The following AGAP1 variants were observed in gnomAD, a reference collection of about 807,000 sequenced individuals.
AGAP1 encodes ArfGAP with GTPase domain, ankyrin repeat and PH domain 1, also known as arf-GAP with GTPase, ANK repeat and PH domain-containing protein 1.
AGAP1 carries 29 observed loss-of-function variants against 105.3 expected under a neutral mutation model. The ratio of observed to expected loss-of-function variants is 0.28; its 90% CI spans 0.21 to 0.38. AGAP1 has a LOEUF of 0.38. Ranked by LOEUF, AGAP1 falls within the 10% of genes least tolerant of loss-of-function variation. The pLI is 1.00. For missense variants in AGAP1, 998 were observed against 1,165.1 expected (o/e 0.86, Z 2.09); for synonymous variants, 509 against 485.9 (o/e 1.05, Z -0.63).
In AGAP1 at chr2:236,109,994, G is replaced by A. The variant is rs1222666899; in HGVS notation, c.2115-10198G>A. 6.6e-6 allele frequency among the ~76,000 whole-genome samples: 1 copy of A among 152,188 alleles called. No homozygotes were observed. The highest frequency in any genetic ancestry group is 2.4e-5 in the African/African-American group (1 of 41,440). On this transcript the variant is annotated intron_variant, in intron 16 of 17. Transcript: ENST00000304032. The surrounding 1 kb of genome is among the most constrained non-coding windows in gnomAD (Gnocchi z 5.4). ...CTCTCAAAGCCCAGAGAGTCTGGTT[G>A]TACAGATGGGAAGATGTTTCCTAAT...
rs1257341429 is a variant in AGAP1 at position 235,787,841 on chromosome 2, G to A, written c.674-9918G>A. ...ATTCTGGGATCAAGAAGATGACCAAGTACATTGTGGGACCAAGAGCAAGAT... is the reference window on the plus strand; with the variant it reads ...ATTCTGGGATCAAGAAGATGACCAAATACATTGTGGGACCAAGAGCAAGAT... On this transcript the variant is annotated intron_variant, in intron 6 of 17. Coordinates refer to ENST00000304032, the MANE Select transcript of AGAP1 (RefSeq NM_001037131.3). This position sits in a 1 kb window ranked among gnomAD's most constrained non-coding sequence, Gnocchi z 4.4. Among the ~76,000 whole-genome samples, 2 of 152,050 alleles carry A rather than the reference G, an allele frequency of 1.3e-5. No individual in the cohort carries two copies. Among genetic ancestry groups the A allele is most frequent in the African/African-American group, 2.4e-5 (1 of 41,408 alleles).
chr2:235,668,490 A>T (rs766505875), intron 1 of AGAP1, among the ~76,000 whole-genome samples: 1 of 152,234 alleles, frequency 6.6e-6, no homozygotes, highest in Non-Finnish European at 1.5e-5. Context: ...AACAGCCTGT[A>T]GCAAGCTGTG....
chr2:235,652,530 C>A (rs574447656), intron 1 of AGAP1, among the ~76,000 whole-genome samples: 1 of 152,308 alleles, frequency 6.6e-6, no homozygotes, highest in Non-Finnish European at 1.5e-5. Flanking sequence ...GGAGACACCA[C>A]ATCATCATTT....
chr2:235,513,704 G>A (rs1942252781), intron 1 of AGAP1, among the ~76,000 whole-genome samples: 1 of 152,022 alleles, frequency 6.6e-6, no homozygotes, highest in African/African-American at 2.4e-5. Flanking sequence ...CAATCCAGGT[G>A]CCATGGCATG....
At chr2:235,504,740 TTTTATGACACTC>T (rs1204144640) in intron 1 of AGAP1, among the ~76,000 whole-genome samples, 2 of 152,220 alleles carry the variant, frequency 1.3e-5, no homozygotes, top group Non-Finnish European at 2.9e-5. Context: ...TCAAGGTTCA[TTTTATGACACTC>T]AGGATGGCCG....
In AGAP1 at chr2:236,127,212, C is replaced by A. The variant is rs945240650; in HGVS notation, c.*3090C>A. 6.6e-6 allele frequency: 1 copy of A among 152,180 alleles called. No individual in the cohort carries two copies. Among genetic ancestry groups the A allele is most frequent in the Non-Finnish European group, 1.5e-5 (1 of 68,054 alleles). The allele number at this position is 152,180 out of a possible 1,614,324, so 9.4% of individuals were successfully genotyped here. ...TGCAGACCTGGCTGCAGCAGAAACA[C>A]CCCGCAGGGACAGTACTCTGTGATT... is the stretch of plus-strand genomic sequence containing the variant. On this transcript the variant is annotated 3_prime_UTR_variant, in exon 18 of 18. Transcript: ENST00000304032. This position sits in a 1 kb window ranked among gnomAD's most constrained non-coding sequence, Gnocchi z 6.6.
chr2:235,580,001 A>T (rs1373535289), intron 1 of AGAP1, among the ~76,000 whole-genome samples: 1 of 145,266 alleles, frequency 6.9e-6, no homozygotes, highest in Non-Finnish European at 1.5e-5. Flanking sequence ...ACCATACAAC[A>T]TGTGGCCTTC....
In AGAP1 at chr2:236,096,912, T is replaced by C. The variant is rs2059205697; in HGVS notation, c.2115-23280T>C. ...GCACTTTTAAACTGAAGTTTCATCCTTGCCGTATCACGTGGCCAATCCATT... is the reference window on the plus strand; with the variant it reads ...GCACTTTTAAACTGAAGTTTCATCCCTGCCGTATCACGTGGCCAATCCATT... On this transcript the variant is annotated intron_variant, in intron 16 of 17. Coordinates refer to ENST00000304032, the MANE Select transcript of AGAP1 (RefSeq NM_001037131.3). The surrounding 1 kb of genome is among the most constrained non-coding windows in gnomAD (Gnocchi z 4.4). Among the ~76,000 whole-genome samples, 1 of 152,222 alleles carries C rather than the reference T, an allele frequency of 6.6e-6. No homozygotes were observed. Among genetic ancestry groups the C allele is most frequent in the African/African-American group, 2.4e-5 (1 of 41,464 alleles).
Position 235,908,109 on chromosome 2 carries a change from C to T in AGAP1, c.1156-629C>T, listed in dbSNP as rs1301655037. The stretch of plus-strand genomic sequence containing the variant: ...GCCAGTTTCCAGGTAGTGTTTGACT[C>T]CACAGTGAGTTAAGTGAGCTGCCAG... On this transcript the variant is annotated intron_variant, in intron 10 of 17. Coordinates refer to ENST00000304032, the MANE Select transcript of AGAP1 (RefSeq NM_001037131.3). This position sits in a 1 kb window ranked among gnomAD's most constrained non-coding sequence, Gnocchi z 4.4. 2.0e-5 allele frequency among the ~76,000 whole-genome samples: 3 copies of T among 152,164 alleles called. No individual in the cohort carries two copies. Among genetic ancestry groups the T allele is most frequent in the African/African-American group, 7.2e-5 (3 of 41,416 alleles).
In AGAP1 at chr2:235,973,122, A is replaced by G. The variant is rs961658461; in HGVS notation, c.1645+4499A>G. Among the ~76,000 whole-genome samples the G allele has an allele frequency of 2.0e-5, 3 of 152,194 alleles. No individual in the cohort carries two copies. The highest frequency in any genetic ancestry group is 4.4e-5 in the Non-Finnish European group (3 of 68,026). ...GCAAACCCAGAAACACTGTGTCTAC[A>G]CGGGGCTGTCAGGGTGACCGATGGA... On this transcript the variant is annotated intron_variant, in intron 13 of 17. Transcript: ENST00000304032. This position sits in a 1 kb window ranked among gnomAD's most constrained non-coding sequence, Gnocchi z 4.7.
rs189084097 is a variant in AGAP1 at position 236,062,532 on chromosome 2, G to A, written c.2114+13251G>A. Among the ~76,000 whole-genome samples the A allele has an allele frequency of 6.6e-6, 1 of 152,174 alleles. No individual in the cohort carries two copies. Among genetic ancestry groups the A allele is most frequent in the African/African-American group, 2.4e-5 (1 of 41,502 alleles). ...ACTCTATCACACAGGCTTGAATGCAGTGGCATGATCATAGCTTACTGCAAC... is the reference window on the plus strand; with the variant it reads ...ACTCTATCACACAGGCTTGAATGCAATGGCATGATCATAGCTTACTGCAAC... On this transcript the variant is annotated intron_variant, in intron 16 of 17. Coordinates refer to ENST00000304032, the MANE Select transcript of AGAP1 (RefSeq NM_001037131.3). This position sits in a 1 kb window ranked among gnomAD's most constrained non-coding sequence, Gnocchi z 4.2.
At chr2:236,004,735 G>A in intron 13 of AGAP1, among the ~76,000 whole-genome samples, 1 of 152,192 alleles carries the variant, frequency 6.6e-6, no homozygotes, top group East Asian at 1.9e-4. Flanking sequence ...TGCCAGTTGG[G>A]GCAGCCTTTC....
rs1945122657 is a variant in AGAP1, at chr2:235,586,669, TGA to T, written c.163+91823_163+91824del. 6.6e-6 allele frequency among the ~76,000 whole-genome samples: 1 copy of T among 152,076 alleles called. No homozygotes were observed. The highest frequency in any genetic ancestry group is 6.5e-5 in the Admixed American group (1 of 15,268). On this transcript the variant is annotated intron_variant, in intron 1 of 17. Transcript: ENST00000304032. The surrounding 1 kb of genome is among the most constrained non-coding windows in gnomAD (Gnocchi z 4.2). ...GCATTTCCAACTTGGGTTGTCAGAG[TGA>T]GACTGTGCAGGACTGCCCCGTACAG...
At position 235,622,783 on chromosome 2, in the gene AGAP1, G is replaced by T. The variant is rs1306583011; in HGVS notation, c.164-86396G>T. Among the ~76,000 whole-genome samples the T allele has an allele frequency of 1.3e-5, 2 of 151,994 alleles. No individual in the cohort carries two copies. The highest frequency in any genetic ancestry group is 3.9e-4 in the East Asian group (2 of 5,178). On this transcript the variant is annotated intron_variant, in intron 1 of 17. Coordinates refer to ENST00000304032, the MANE Select transcript of AGAP1 (RefSeq NM_001037131.3). The surrounding 1 kb of genome is among the most constrained non-coding windows in gnomAD (Gnocchi z 5.0). ...GCGCTAAGCCATTTTCCCAGGCCGG[G>T]TTATGCAGTGAGACTTCAGGGCAGG...
chr2:235,918,229 C>G (rs972982428), intron 11 of AGAP1, among the ~76,000 whole-genome samples: 1 of 152,226 alleles, frequency 6.6e-6, no homozygotes. Flanking sequence ...CTGCTAAGTA[C>G]CCTTCTAGCA....
rs1016767453 is a variant in AGAP1, at chr2:235,625,919, C to T, written c.164-83260C>T. On this transcript the variant is annotated intron_variant, in intron 1 of 17. Coordinates refer to ENST00000304032, the MANE Select transcript of AGAP1 (RefSeq NM_001037131.3). This position sits in a 1 kb window ranked among gnomAD's most constrained non-coding sequence, Gnocchi z 4.0. Reference sequence around the variant, plus strand: ...TCACATTTATTCTTGAAATTCCACACAGAGAAAGGTGTTTCGGGGAAGTAG... The same window carrying T: ...TCACATTTATTCTTGAAATTCCACATAGAGAAAGGTGTTTCGGGGAAGTAG... Among the ~76,000 whole-genome samples the T allele has an allele frequency of 1.3e-5, 2 of 152,144 alleles. No homozygotes were observed. The highest frequency in any genetic ancestry group is 4.8e-5 in the African/African-American group (2 of 41,424).
At position 236,005,497 on chromosome 2, in the gene AGAP1, G is replaced by A. The variant is rs1207280979; in HGVS notation, c.1646-31064G>A. Among the ~76,000 whole-genome samples, 2 of 152,090 alleles carry A rather than the reference G, an allele frequency of 1.3e-5. No individual in the cohort carries two copies. On this transcript the variant is annotated intron_variant, in intron 13 of 17. Coordinates refer to ENST00000304032, the MANE Select transcript of AGAP1 (RefSeq NM_001037131.3). This position sits in a 1 kb window ranked among gnomAD's most constrained non-coding sequence, Gnocchi z 4.1. Reference sequence around the variant, plus strand: ...ATGGTACATTTCTTAGAGTTCATGAGTCAATATTGATATGTTTTTATTAAA... The same window carrying A: ...ATGGTACATTTCTTAGAGTTCATGAATCAATATTGATATGTTTTTATTAAA...
intron 1 of AGAP1, among the ~76,000 whole-genome samples, chr2:235,634,642 G>T (rs894548325): frequency 6.6e-6 from 1 of 152,158 alleles, no homozygotes; most frequent in Non-Finnish European, 1.5e-5. Context: ...GGGGACAGCC[G>T]TAAGTTCTTC....
chr2:235,621,925 G>A lies in AGAP1; in HGVS notation c.164-87254G>A, dbSNP rs528479026. On this transcript the variant is annotated intron_variant, in intron 1 of 17. Coordinates refer to ENST00000304032, the MANE Select transcript of AGAP1 (RefSeq NM_001037131.3). The surrounding 1 kb of genome is among the most constrained non-coding windows in gnomAD (Gnocchi z 4.1). ...GACCCCCCCACCCCCTCAGAACAGC[G>A]GCCACTGTGTGGATGTTTCTGACGG... Among the ~76,000 whole-genome samples the A allele has an allele frequency of 2.4e-4, 36 of 151,920 alleles. No homozygotes were observed. The highest frequency in any genetic ancestry group is 8.2e-4 in the African/African-American group (34 of 41,468).
Sources: gnomAD v4.1 joint callset for allele counts (sites outside exome capture counted in the v4.1 genomes callset) on GRCh38, gnomAD v4.1.1 for gene constraint, Gnocchi (gnomAD v3.1) non-coding constraint, MANE v1.5 for transcripts, NCBI Gene and HGNC (gene_info 2026-07-23, HGNC 2026-07-21) for gene names.